Variants in MED12L observed in about 807,000 individuals in gnomAD.
The protein encoded by MED12L is mediator complex subunit 12L, also known as mediator of RNA polymerase II transcription subunit 12-like protein.
A neutral mutation model predicts 281.3 loss-of-function variants in MED12L; 60 were observed. The observed-to-expected ratio is 0.21, with a 90% CI of 0.17 to 0.26. The LOEUF is 0.26. Ranked by LOEUF, MED12L falls within the 10% of genes least tolerant of loss-of-function variation. MED12L has a pLI of 1.00. For synonymous variants in MED12L, 974 were observed against 987.2 expected, an observed-to-expected ratio of 0.99 and a Z score of 0.25; for missense variants, 2,146 against 2,680.9, an observed-to-expected ratio of 0.80 and a Z score of 4.41.
chr3:151,430,198 T>C, intron 43 of MED12L, 101 bp from the exon 44 acceptor site: 1 of 1,545,272 alleles, frequency 6.5e-7, no homozygotes. Context: ...CGTGAAGTGT[T>C]GAGAAGTACC....
At chr3:151,218,039 T>C (rs1039861523) in intron 16 of MED12L, among the ~76,000 whole-genome samples, 1 of 152,212 alleles carries the variant, frequency 6.6e-6, no homozygotes, top group African/African-American at 2.4e-5. Flanking sequence ...TGATATCTAC[T>C]CAGTCTCCTC....
In MED12L at chr3:151,158,814, C is replaced by G; in HGVS notation, c.837+15C>G. On this transcript the variant is annotated intron_variant, in intron 7 of 44. Transcript: ENST00000687756. The stretch of plus-strand genomic sequence containing the variant: ...TAATGCTGCAGGTATAGTACATGTC[C>G]CCTTGAGGCAGTTGGTTTTATGGGC... 6.5e-7 allele frequency: 1 copy of G among 1,547,274 alleles called. No individual in the cohort carries two copies.
At chr3:151,374,388 A>T (rs1336028734) in intron 27 of MED12L, among the ~76,000 whole-genome samples, 2 of 152,100 alleles carry the variant, frequency 1.3e-5, no homozygotes, top group Non-Finnish European at 2.9e-5. Flanking sequence ...TCTCTACTAA[A>T]AATACAAAAA....
intron 16 of MED12L, among the ~76,000 whole-genome samples, chr3:151,256,656 T>C (rs942149888): frequency 1.3e-5 from 2 of 152,204 alleles, no homozygotes; most frequent in African/African-American, 4.8e-5. Context: ...CTTATTACAC[T>C]AAAGATGAGT....
chr3:151,148,399 G>A (rs1478935256), intron 5 of MED12L, among the ~76,000 whole-genome samples: 2 of 152,158 alleles, frequency 1.3e-5, no homozygotes, highest in Admixed American at 6.5e-5. Context: ...TCTTACTGAG[G>A]GTTGAGTAAT....
At chr3:151,416,164 G>A (rs1717524205) in intron 42 of MED12L, 148 bp from the exon 43 acceptor site, 1 of 1,443,378 alleles carries the variant, frequency 6.9e-7, no homozygotes, top group South Asian at 1.3e-5. Context: ...GGACGAATGA[G>A]GTTCAGCAAG....
chr3:151,422,671 A>G (rs989677014), intron 43 of MED12L, among the ~76,000 whole-genome samples: 4 of 152,208 alleles, frequency 2.6e-5, no homozygotes, highest in African/African-American at 4.8e-5. Flanking sequence ...ATTCTGAGGT[A>G]CTGGGTGTTA....
At chr3:151,112,582 G>A (rs915936096) in intron 2 of MED12L, among the ~76,000 whole-genome samples, 1 of 152,140 alleles carries the variant, frequency 6.6e-6, no homozygotes, top group Non-Finnish European at 1.5e-5. Context: ...GTGCCTGAGC[G>A]TTTCCTGTTG....
chr3:151,191,708 A>G (rs762941405), intron 14 of MED12L, among the ~76,000 whole-genome samples: 1 of 152,172 alleles, frequency 6.6e-6, no homozygotes, highest in Non-Finnish European at 1.5e-5. Flanking sequence ...GGAGTTTGAG[A>G]CTAGCCTGAC....
intron 36 of MED12L, among the ~76,000 whole-genome samples, chr3:151,385,721 G>GA (rs34514758): frequency 4.8e-4 from 57 of 118,816 alleles, no homozygotes; most frequent in African/African-American, 1.0e-3. Flanking sequence ...TCTGGGGGGG[G>GA]AAAAAAAAAA....
At chr3:151,428,952 T>TA (rs1415267973) in intron 43 of MED12L, among the ~76,000 whole-genome samples, 2 of 152,206 alleles carry the variant, frequency 1.3e-5, no homozygotes, top group Non-Finnish European at 2.9e-5. Flanking sequence ...CAACTGTACT[T>TA]ACAATCCTGG....
At chr3:151,234,669 C>A (rs1422472048) in intron 16 of MED12L, among the ~76,000 whole-genome samples, 1 of 152,206 alleles carries the variant, frequency 6.6e-6, no homozygotes, top group East Asian at 1.9e-4. Flanking sequence ...AGAGCCCCTA[C>A]AACTAGGACC....
At chr3:151,321,288 A>C (rs933314197) in intron 16 of MED12L, among the ~76,000 whole-genome samples, 5 of 152,132 alleles carry the variant, frequency 3.3e-5, no homozygotes, top group African/African-American at 7.2e-5. Flanking sequence ...GACTATCTGA[A>C]ATTGTGGGAA....
At chr3:151,429,927 C>G (rs1374686171) in intron 43 of MED12L, among the ~76,000 whole-genome samples, 1 of 152,206 alleles carries the variant, frequency 6.6e-6, no homozygotes, top group African/African-American at 2.4e-5. Context: ...AACAAATCTT[C>G]CAACCAGAGA....
chr3:151,149,865 T>C (rs998550605), intron 5 of MED12L, among the ~76,000 whole-genome samples: 5 of 152,230 alleles, frequency 3.3e-5, no homozygotes, highest in Non-Finnish European at 7.3e-5. Context: ...GAGAGGCAAC[T>C]CTTCATGCTT....
chr3:151,430,083 T>A (rs1360337109), intron 43 of MED12L, among the ~76,000 whole-genome samples: 1 of 152,192 alleles, frequency 6.6e-6, no homozygotes, highest in Non-Finnish European at 1.5e-5. Context: ...ACTAATAACC[T>A]GGAGCTTGGG....
rs1334900513 is a variant in MED12L at position 151,289,220 on chromosome 3, C to T, written c.2251-60839C>T. 3.3e-5 allele frequency among the ~76,000 whole-genome samples: 5 copies of T among 152,264 alleles called. No individual in the cohort carries two copies. In the East Asian group the frequency reaches 9.6e-4, roughly 29 times the overall value. On this transcript the variant is annotated intron_variant, in intron 16 of 44. Coordinates refer to ENST00000687756, the MANE Select transcript of MED12L (RefSeq NM_001393769.1). ...ATGAAGGCAAAGTTATTAACATCTA[C>T]AGGGAACGGATGAGCTATCCCAGAG...
chr3:151,374,793 G>A (rs952705669), intron 27 of MED12L, among the ~76,000 whole-genome samples: 3 of 151,916 alleles, frequency 2.0e-5, no homozygotes, highest in Non-Finnish European at 4.4e-5. Flanking sequence ...CTATAGAATA[G>A]CTTACTTTCA....
At chr3:151,133,615 A>G (rs1560079871) in intron 5 of MED12L, among the ~76,000 whole-genome samples, 1 of 151,970 alleles carries the variant, frequency 6.6e-6, no homozygotes, top group Non-Finnish European at 1.5e-5. Context: ...AAAAAAAAAA[A>G]GGTTTAGGTG....
Sources: allele counts gnomAD v4.1 joint callset (sites outside exome capture counted in the v4.1 genomes callset), GRCh38; gene constraint gnomAD v4.1.1; transcripts MANE v1.5; gene names NCBI Gene and HGNC (gene_info 2026-07-23, HGNC 2026-07-21).